The following LRRFIP2 variants were observed in gnomAD, a reference collection of about 807,000 sequenced individuals.
The protein encoded by LRRFIP2 is LRR binding FLII interacting protein 2, also known as leucine-rich repeat flightless-interacting protein 2.
In LRRFIP2, 109 loss-of-function variants were observed where a neutral mutation model predicts 125.9. The ratio of observed to expected loss-of-function variants is 0.87; its 90% CI spans 0.74 to 1.01. The LOEUF (loss-of-function observed/expected upper bound fraction) is 1.01. LRRFIP2 is among the 50% of genes least tolerant of loss of function. LRRFIP2 has a pLI of 0.00. For missense variants in LRRFIP2, 850 were observed against 862.3 expected, an observed-to-expected ratio of 0.99 and a Z score of 0.18; for synonymous variants, 291 against 293.1, an observed-to-expected ratio of 0.99 and a Z score of 0.07.
chr3:37,066,427 A>G (rs748316987), intron 21 of LRRFIP2, 102 bp from the exon 22 acceptor site: 1 of 880,500 alleles, frequency 1.1e-6, no homozygotes, highest in Non-Finnish European at 1.9e-6. Context: ...ATAAAGGCAT[A>G]AAAAGCAAGA....
intron 19 of LRRFIP2, 85 bp from the exon 20 acceptor site, chr3:37,075,201 A>G (rs1475001080): frequency 3.6e-6 from 3 of 822,524 alleles, no homozygotes; most frequent in African/African-American, 1.7e-5. Flanking sequence ...GAGGTTAAGT[A>G]TGACCTCCAG....
chr3:37,074,119 C>T (rs2091690464), intron 20 of LRRFIP2, among the ~76,000 whole-genome samples: 1 of 152,132 alleles, frequency 6.6e-6, no homozygotes, highest in Admixed American at 6.5e-5. Context: ...TTCTTTTTCT[C>T]TATTAAATGG....
intron 24 of LRRFIP2, among the ~76,000 whole-genome samples, chr3:37,062,385 T>C (rs1245573058): frequency 6.6e-6 from 1 of 151,934 alleles, no homozygotes; most frequent in Non-Finnish European, 1.5e-5. Flanking sequence ...AGTTCCAAAA[T>C]AGAGAACACA....
In LRRFIP2 at chr3:37,083,898, T is replaced by C. The variant is rs2149058877; in HGVS notation, c.1108-92A>G. The C allele has an allele frequency of 6.5e-6, 6 of 929,700 alleles. No individual in the cohort carries two copies. The East Asian group carries it at 1.7e-4, about 27-fold the overall frequency. The allele number at this position is 929,700 out of a possible 1,614,324, so 57.6% of individuals were successfully genotyped here. A position where few individuals can be genotyped will look rare whatever the true frequency, so the allele number is the denominator to read the frequency against. On this transcript the variant is annotated intron_variant, in intron 18 of 27. Coordinates refer to ENST00000336686, the MANE Select transcript of LRRFIP2 (RefSeq NM_006309.4). Reference sequence around the variant, plus strand: ...AAATTATAGCACTGCCACAAACACATAAAGATGCATTTTCATAAAATACAA... The same window carrying C: ...AAATTATAGCACTGCCACAAACACACAAAGATGCATTTTCATAAAATACAA...
At chr3:37,128,425 T>A (rs1324308962) in intron 3 of LRRFIP2, among the ~76,000 whole-genome samples, 2 of 151,938 alleles carry the variant, frequency 1.3e-5, no homozygotes, top group Non-Finnish European at 2.9e-5. Context: ...TTCTTAAAAA[T>A]TTTTTTCTTG....
intron 1 of LRRFIP2, among the ~76,000 whole-genome samples, chr3:37,153,006 A>G (rs114428352): frequency 6.3e-4 from 96 of 152,364 alleles, no homozygotes; most frequent in Admixed American, 1.5e-3. Context: ...GGCTGGAAGT[A>G]TATCAATAGT....
At chr3:37,096,986 A>G (rs375993310) in intron 15 of LRRFIP2, among the ~76,000 whole-genome samples, 1 of 152,110 alleles carries the variant, frequency 6.6e-6, no homozygotes, top group Non-Finnish European at 1.5e-5. Flanking sequence ...ATACAAAAAA[A>G]GCTTGTACAT....
intron 19 of LRRFIP2, among the ~76,000 whole-genome samples, chr3:37,080,268 T>C (rs2092514424): frequency 1.3e-5 from 2 of 151,968 alleles, no homozygotes; most frequent in East Asian, 1.9e-4. Context: ...TGGTGGTCCA[T>C]GCCTGTAATC....
At chr3:37,140,122 T>C (rs561766925) in intron 2 of LRRFIP2, among the ~76,000 whole-genome samples, 1 of 152,304 alleles carries the variant, frequency 6.6e-6, no homozygotes, top group African/African-American at 2.4e-5. Context: ...TATTCTCTCA[T>C]CTCTCTCCTT....
intron 19 of LRRFIP2, among the ~76,000 whole-genome samples, chr3:37,075,317 C>G (rs11709376): frequency 0.36 from 54,625 of 151,806 alleles, 10,823 homozygotes; most frequent in Non-Finnish European, 0.45. Flanking sequence ...TCAGGAAAAC[C>G]TGAACTAATC....
intron 19 of LRRFIP2, among the ~76,000 whole-genome samples, chr3:37,083,124 T>C (rs1030071313): frequency 6.6e-6 from 1 of 152,200 alleles, no homozygotes; most frequent in Admixed American, 6.5e-5. Flanking sequence ...CATTTTAACA[T>C]TACAACTTAT....
rs188247512 is a variant in LRRFIP2 at position 37,134,510 on chromosome 3, A to C, written c.91-5361T>G. On this transcript the variant is annotated intron_variant, in intron 2 of 27. Coordinates refer to ENST00000336686, the MANE Select transcript of LRRFIP2 (RefSeq NM_006309.4). ...TAGCCAGCCACAAAGTTGTCATGAG[A>C]GTCGTCTCCACAATACCAAGAGCTT... 1.1e-3 allele frequency: 395 copies of C among 358,398 alleles called. 6 individuals carry two copies. In the Admixed American group the frequency reaches 0.012, roughly 11 times the overall value. The allele number at this position is 358,398 out of a possible 1,614,324, so 22.2% of individuals were successfully genotyped here. A position where few individuals can be genotyped will look rare whatever the true frequency, so the allele number is the denominator to read the frequency against.
chr3:37,146,047 TAAAG>T (rs2095849685), intron 2 of LRRFIP2, among the ~76,000 whole-genome samples: 1 of 152,178 alleles, frequency 6.6e-6, no homozygotes, highest in South Asian at 2.1e-4. Flanking sequence ...TACAATTTTT[TAAAG>T]AAAGCATCAC....
intron 15 of LRRFIP2, among the ~76,000 whole-genome samples, chr3:37,098,823 T>C (rs1369796944): frequency 6.6e-6 from 1 of 152,244 alleles, no homozygotes; most frequent in Non-Finnish European, 1.5e-5. Context: ...TATATTTGAA[T>C]AAACTGCCTT....
intron 1 of LRRFIP2, among the ~76,000 whole-genome samples, chr3:37,157,559 A>C (rs9823120): frequency 6.6e-6 from 1 of 151,658 alleles, no homozygotes; most frequent in Admixed American, 6.6e-5. Flanking sequence ...GAGGAGAGAG[A>C]GGGGAAAAGA....
chr3:37,175,599 C>G (rs2096649011), upstream of LRRFIP2, among the ~76,000 whole-genome samples: 1 of 152,150 alleles, frequency 6.6e-6, no homozygotes, highest in Admixed American at 6.5e-5. Flanking sequence ...CAGCTAGCGC[C>G]TGTTAAACCC....
At chr3:37,118,872 A>G (rs2094905187) in intron 6 of LRRFIP2, among the ~76,000 whole-genome samples, 1 of 152,242 alleles carries the variant, frequency 6.6e-6, no homozygotes, top group South Asian at 2.1e-4. Context: ...CCAAAATTAT[A>G]TAGCAAACCA....
At chr3:37,139,942 T>C (rs1560029453) in intron 2 of LRRFIP2, among the ~76,000 whole-genome samples, 1 of 152,206 alleles carries the variant, frequency 6.6e-6, no homozygotes, top group Non-Finnish European at 1.5e-5. Flanking sequence ...TTATTGAAAT[T>C]GTTCATCACA....
At chr3:37,105,640 A>G in intron 13 of LRRFIP2, 117 bp from the exon 14 acceptor site, 1 of 708,028 alleles carries the variant, frequency 1.4e-6, no homozygotes, top group Non-Finnish European at 2.5e-6. Flanking sequence ...AAGCAGCATA[A>G]TTGGTATAAT....
Sources: gnomAD v4.1 joint callset for allele counts (sites outside exome capture counted in the v4.1 genomes callset) on GRCh38, gnomAD v4.1.1 for gene constraint, MANE v1.5 for transcripts, NCBI Gene and HGNC (gene_info 2026-07-23, HGNC 2026-07-21) for gene names.